Variants in SNX9 observed in about 807,000 individuals in gnomAD.
The protein encoded by SNX9 is sorting nexin 9.
In SNX9, 44 loss-of-function variants were observed where a neutral mutation model predicts 89.4. The ratio of observed to expected loss-of-function variants is 0.49; its 90% CI spans 0.39 to 0.63. The LOEUF (loss-of-function observed/expected upper bound fraction) is 0.63, where lower values mean the gene tolerates loss of function less well. SNX9 is among the 30% of genes least tolerant of loss of function. The pLI is 0.00. For synonymous variants in SNX9, 236 were observed against 247.8 expected (o/e 0.95, Z 0.45); for missense variants, 578 against 736.1 (o/e 0.79, Z 2.49).
intron 1 of SNX9, among the ~76,000 whole-genome samples, chr6:157,834,785 C>G (rs1344633736): frequency 1.3e-5 from 2 of 152,224 alleles, no homozygotes; most frequent in Admixed American, 6.5e-5. Context: ...CCTGGAGGTC[C>G]ATGCCAACTG....
At chr6:157,942,480 G>C (rs1328301201) in intron 17 of SNX9, among the ~76,000 whole-genome samples, 1 of 152,234 alleles carries the variant, frequency 6.6e-6, no homozygotes, top group African/African-American at 2.4e-5. Context: ...AAACATGAAG[G>C]CCTGAGCCCC....
chr6:157,930,236 C>G (rs1440535582), intron 12 of SNX9, among the ~76,000 whole-genome samples: 1 of 152,160 alleles, frequency 6.6e-6, no homozygotes, highest in Non-Finnish European at 1.5e-5. Flanking sequence ...TTGTAGCATA[C>G]CAGCTGTTCG....
At chr6:157,867,796 T>C (rs553106377) in intron 2 of SNX9, among the ~76,000 whole-genome samples, 163 bp downstream of exon 2, 1 of 152,366 alleles carries the variant, frequency 6.6e-6, no homozygotes, top group East Asian at 1.9e-4. Context: ...ATTTTTTTCC[T>C]GTTGCTTATG....
Position 157,823,482 on chromosome 6 carries a change from C to G in SNX9, c.12+36C>G. ...CGCGGCGCAGGCCGGGCCGGTCGCT[C>G]AGGCCCGGGGCGGCGCGGAGAGGGT... On this transcript the variant is annotated intron_variant, in intron 1 of 17. Coordinates refer to ENST00000392185, the MANE Select transcript of SNX9 (RefSeq NM_016224.5). This position sits in a 1 kb window ranked among gnomAD's most constrained non-coding sequence, Gnocchi z 4.6. The G allele has an allele frequency of 8.5e-7, 1 of 1,182,790 alleles. No homozygotes were observed. Among genetic ancestry groups the G allele is most frequent in the Non-Finnish European group, 1.0e-6 (1 of 958,686 alleles). The allele number at this position is 1,182,790 out of a possible 1,614,324, so 73.3% of individuals were successfully genotyped here. A position where few individuals can be genotyped will look rare whatever the true frequency, so the allele number is the denominator to read the frequency against.
chr6:157,940,118 G>T (rs1277951268), intron 16 of SNX9, among the ~76,000 whole-genome samples: 1 of 152,190 alleles, frequency 6.6e-6, no homozygotes, highest in Non-Finnish European at 1.5e-5. Flanking sequence ...CTGAAGAAGG[G>T]TCTCCCGCTG....
In SNX9 at chr6:157,823,344, C is replaced by T. The variant is rs1781272505; in HGVS notation, c.-91C>T. ...GCCGGGGCCCAGCCGGAGCCGCCGC[C>T]CTCGCCCTTGCCTTTGCCTGCGCGG... is the stretch of plus-strand genomic sequence containing the variant. On this transcript the variant is annotated 5_prime_UTR_variant, in exon 1 of 18. Transcript: ENST00000392185. This position sits in a 1 kb window ranked among gnomAD's most constrained non-coding sequence, Gnocchi z 4.6. 2.6e-6 allele frequency: 3 copies of T among 1,162,930 alleles called. No individual in the cohort carries two copies. The highest frequency in any genetic ancestry group is 5.0e-5 in the South Asian group (2 of 40,398). The allele number at this position is 1,162,930 out of a possible 1,614,324, so 72.0% of individuals were successfully genotyped here. A position where few individuals can be genotyped will look rare whatever the true frequency, so the allele number is the denominator to read the frequency against.
chr6:157,860,054 G>A (rs1047058806), intron 1 of SNX9, among the ~76,000 whole-genome samples: 25 of 152,130 alleles, frequency 1.6e-4, no homozygotes, highest in Admixed American at 6.5e-4. Flanking sequence ...TTTGCACTGC[G>A]GCAGCAGAGA....
At chr6:157,877,505 A>G (rs1163483809) in intron 4 of SNX9, among the ~76,000 whole-genome samples, 1 of 152,246 alleles carries the variant, frequency 6.6e-6, no homozygotes, top group Non-Finnish European at 1.5e-5. Flanking sequence ...TACATTTTGT[A>G]AATACCATGA....
rs114249926 is a variant in SNX9, at chr6:157,847,381, T to C, written c.13-20166T>C. ...ACCTCCCAAAATGCTAGAATCACAG[T>C]TGTGAGCCACTGCGCCCAGCCTTGT... On this transcript the variant is annotated intron_variant, in intron 1 of 17. Coordinates refer to ENST00000392185, the MANE Select transcript of SNX9 (RefSeq NM_016224.5). Among the ~76,000 whole-genome samples the C allele has an allele frequency of 3.9e-3, 592 of 152,240 alleles. 6 individuals carry two copies. Among genetic ancestry groups the C allele is most frequent in the African/African-American group, 0.014 (567 of 41,552 alleles).
At chr6:157,859,652 A>G (rs983278069) in intron 1 of SNX9, among the ~76,000 whole-genome samples, 3 of 152,080 alleles carry the variant, frequency 2.0e-5, no homozygotes, top group Non-Finnish European at 2.9e-5. Context: ...GGCCGTGGGG[A>G]TCTGGCAATG....
At chr6:157,920,332 C>T (rs966446347) in intron 9 of SNX9, among the ~76,000 whole-genome samples, 20 of 152,190 alleles carry the variant, frequency 1.3e-4, no homozygotes, top group Non-Finnish European at 2.9e-4. Context: ...GCTGTTGTCC[C>T]TTCCTGTTCA....
At chr6:157,886,366 CTT>C (rs1583217190) in intron 4 of SNX9, among the ~76,000 whole-genome samples, 2 of 152,228 alleles carry the variant, frequency 1.3e-5, no homozygotes, top group East Asian at 3.9e-4. Context: ...TTATTACTGT[CTT>C]TAAAAACAAT....
At chr6:157,887,933 C>T (rs1344288411) in intron 4 of SNX9, among the ~76,000 whole-genome samples, 1 of 152,202 alleles carries the variant, frequency 6.6e-6, no homozygotes, top group East Asian at 1.9e-4. Flanking sequence ...CAGAATGGTC[C>T]TCTTAACACA....
chr6:157,869,261 G>T (rs1782339075), intron 2 of SNX9, among the ~76,000 whole-genome samples: 2 of 152,060 alleles, frequency 1.3e-5, no homozygotes, highest in Non-Finnish European at 2.9e-5. Context: ...ACACTATGCG[G>T]TCTCAGATTT....
chr6:157,942,630 G>A (rs372309423), intron 17 of SNX9, among the ~76,000 whole-genome samples, 161 bp from the exon 18 acceptor site: 1 of 152,378 alleles, frequency 6.6e-6, no homozygotes, highest in East Asian at 1.9e-4. Flanking sequence ...CGGGGTTAAG[G>A]TCTGTCCAGC....
intron 4 of SNX9, among the ~76,000 whole-genome samples, chr6:157,876,016 T>C (rs1006472916): frequency 1.3e-5 from 2 of 152,000 alleles, no homozygotes; most frequent in Admixed American, 6.6e-5. Context: ...ATTAAAATAT[T>C]GTTAACTGCT....
chr6:157,826,652 T>G lies in SNX9; in HGVS notation c.12+3206T>G, dbSNP rs1228171661. Among the ~76,000 whole-genome samples, 10 of 132,004 alleles carry G rather than the reference T, an allele frequency of 7.6e-5. 2 individuals are homozygous for G. The highest frequency in any genetic ancestry group is 4.1e-4 in the African/African-American group (10 of 24,172). 86.6% of individuals were successfully genotyped at this position (132,004 alleles called of 152,430 possible). A position where few individuals can be genotyped will look rare whatever the true frequency, so the allele number is the denominator to read the frequency against. Reference sequence around the variant, plus strand: ...GCAATCAAGTCTTGTTTTACAAATATTAATACAAAAGCTGCAGAGCATTTT... The same window carrying G: ...GCAATCAAGTCTTGTTTTACAAATAGTAATACAAAAGCTGCAGAGCATTTT... On this transcript the variant is annotated intron_variant, in intron 1 of 17. Transcript: ENST00000392185.
intron 1 of SNX9, among the ~76,000 whole-genome samples, chr6:157,861,982 G>T (rs779677435): frequency 6.6e-6 from 1 of 152,188 alleles, no homozygotes; most frequent in Non-Finnish European, 1.5e-5. Context: ...CAGTGTCTAT[G>T]GTGTAGAGAT....
At chr6:157,867,779 C>G (rs1388558255) in intron 2 of SNX9, 146 bp downstream of exon 2, 1 of 652,740 alleles carries the variant, frequency 1.5e-6, no homozygotes, top group Non-Finnish European at 2.4e-6. Flanking sequence ...TCATTCAAAC[C>G]CACATGATTT....
Sources: gnomAD v4.1 joint callset for allele counts (sites outside exome capture counted in the v4.1 genomes callset) on GRCh38, gnomAD v4.1.1 for gene constraint, Gnocchi (gnomAD v3.1) non-coding constraint, MANE v1.5 for transcripts, NCBI Gene and HGNC (gene_info 2026-07-23, HGNC 2026-07-21) for gene names.